Variants in LCP1 observed in about 807,000 individuals in gnomAD.
LCP1 encodes the protein lymphocyte cytosolic protein 1.
In LCP1, 23 loss-of-function variants were observed where a neutral mutation model predicts 72.0. That is an observed-to-expected ratio of 0.32 (90% CI 0.23 to 0.45). LCP1 has a LOEUF of 0.45. LCP1 is among the 20% of genes least tolerant of loss of function. The pLI is 1.00. For missense variants in LCP1, 571 were observed against 748.3 expected (o/e 0.76, Z 2.76); for synonymous variants, 245 against 275.4 (o/e 0.89, Z 1.09).
At chr13:46,138,734 C>G (rs2045680076) in intron 13 of LCP1, among the ~76,000 whole-genome samples, 1 of 152,146 alleles carries the variant, frequency 6.6e-6, no homozygotes, top group South Asian at 2.1e-4. Flanking sequence ...GCAACCTCTG[C>G]CTCCCAGGTT....
At chr13:46,128,365 G>A (rs1022356282) in intron 15 of LCP1, among the ~76,000 whole-genome samples, 8 of 152,328 alleles carry the variant, frequency 5.3e-5, no homozygotes, top group Admixed American at 2.0e-4. Flanking sequence ...TCGGGTGGCC[G>A]AGGCGGGTGG....
rs145152028 is a variant in LCP1 at position 46,127,633 on chromosome 13, G to A, written c.1842C>T (p.Thr614=). 3.7e-6 allele frequency: 6 copies of A among 1,614,146 alleles called. No homozygotes were observed. The highest frequency in any genetic ancestry group is 3.3e-5 in the Admixed American group (2 of 60,012). Residue 614 remains threonine, a synonymous_variant, in exon 16 of 16, where the codon ACC becomes ACT. Coordinates refer to ENST00000323076, the MANE Select transcript of LCP1 (RefSeq NM_002298.5). ...LVEVNPKMVM[T]VFACLMGKGM... Reference sequence around the variant, plus strand: ...CTTTCCCCATGAGGCAGGCAAACACGGTCATGACCATTTTGGGGTTCACTT... The same window carrying A: ...CTTTCCCCATGAGGCAGGCAAACACAGTCATGACCATTTTGGGGTTCACTT...
At chr13:46,150,118 T>C (rs1312778204) in intron 8 of LCP1, among the ~76,000 whole-genome samples, 5 of 152,218 alleles carry the variant, frequency 3.3e-5, no homozygotes, top group African/African-American at 1.2e-4. Context: ...GTACTCCTGT[T>C]GAGTCATGTG....
At chr13:46,130,986 T>C (rs764305782) in intron 14 of LCP1, 48 bp from the exon 15 acceptor site, 2 of 1,531,008 alleles carry the variant, frequency 1.3e-6, no homozygotes, top group South Asian at 1.3e-5. Context: ...CCAAAGTTAC[T>C]CCCATTCAGC....
chr13:46,155,386 T>A (rs905981100), intron 5 of LCP1, among the ~76,000 whole-genome samples: 1 of 152,116 alleles, frequency 6.6e-6, no homozygotes, highest in Non-Finnish European at 1.5e-5. Flanking sequence ...TACCAATGAG[T>A]CACAGGGGTC....
chr13:46,175,720 A>T (rs906376098), intron 1 of LCP1, among the ~76,000 whole-genome samples: 1 of 152,214 alleles, frequency 6.6e-6, no homozygotes, highest in Non-Finnish European at 1.5e-5. Context: ...AAAGGAAAAA[A>T]TCCAAAGTTT....
intron 13 of LCP1, among the ~76,000 whole-genome samples, chr13:46,141,519 G>A (rs191051264): frequency 4.4e-4 from 67 of 151,630 alleles, no homozygotes; most frequent in African/African-American, 1.5e-3. Context: ...ACATATGAGG[G>A]AACAACAATA....
In LCP1 at chr13:46,129,477, G is replaced by C. The variant is rs533899382; in HGVS notation, c.1751+1337C>G. ...TTACTTGTCTTTTCAGTTGAGCTCA[G>C]CTGAGCTGCTATTTGCTCTAAAGAG... is the stretch of plus-strand genomic sequence containing the variant. On this transcript the variant is annotated intron_variant, in intron 15 of 15. Transcript: ENST00000323076. Among the ~76,000 whole-genome samples the C allele has an allele frequency of 1.8e-4, 27 of 152,246 alleles. No homozygotes were observed. The South Asian group carries it at 5.6e-3, about 31-fold the overall frequency.
intron 6 of LCP1, among the ~76,000 whole-genome samples, 169 bp downstream of exon 6, chr13:46,154,636 T>C (rs4258501): frequency 0.62 from 94,178 of 152,036 alleles, 30,378 homozygotes; most frequent in African/African-American, 0.79. Flanking sequence ...GTCTCCCTTC[T>C]TTGCTGCTCA....
chr13:46,176,910 C>T (rs984204856), intron 1 of LCP1, among the ~76,000 whole-genome samples: 3 of 128,020 alleles, frequency 2.3e-5, no homozygotes, highest in Admixed American at 7.8e-5. Context: ...TGTGAGAGAG[C>T]GAGAGAGAGA....
intron 8 of LCP1, among the ~76,000 whole-genome samples, chr13:46,150,134 T>C (rs1484842788): frequency 2.0e-5 from 3 of 152,224 alleles, no homozygotes; most frequent in African/African-American, 7.2e-5. Flanking sequence ...ATGTGAACTT[T>C]CCTCTGACTC....
At chr13:46,135,411 T>C (rs1262778054) in intron 13 of LCP1, among the ~76,000 whole-genome samples, 1 of 152,198 alleles carries the variant, frequency 6.6e-6, no homozygotes, top group Non-Finnish European at 1.5e-5. Context: ...TTGTGTGCTC[T>C]AGGATTTTGC....
rs1051877821 is a variant in LCP1 at position 46,126,405 on chromosome 13, C to T, written c.*1186G>A. On this transcript the variant is annotated 3_prime_UTR_variant, in exon 16 of 16. Transcript: ENST00000323076. The stretch of plus-strand genomic sequence containing the variant: ...TGTCCAGTAAATTAGCTCTTCATAA[C>T]GCAGTTCCACCATTTCTTATCCAGC... The T allele has an allele frequency of 3.0e-5, 7 of 231,628 alleles. No individual in the cohort carries two copies. Among genetic ancestry groups the T allele is most frequent in the Admixed American group, 2.3e-4 (4 of 17,712 alleles). The allele number at this position is 231,628 out of a possible 1,614,324, so 14.3% of individuals were successfully genotyped here.
At chr13:46,181,865 A>T (rs1328851091) in intron 1 of LCP1, among the ~76,000 whole-genome samples, 1 of 152,230 alleles carries the variant, frequency 6.6e-6, no homozygotes, top group Non-Finnish European at 1.5e-5. Context: ...AATTTTGGGC[A>T]GGGGTGATAA....
At chr13:46,149,569 G>A (rs185882941) in intron 8 of LCP1, among the ~76,000 whole-genome samples, 124 of 152,198 alleles carry the variant, frequency 8.1e-4, no homozygotes, top group Middle Eastern at 3.4e-3. Context: ...CAATTTACAC[G>A]ATTTAAAGAC....
chr13:46,159,574 A>C (rs2045825003), intron 2 of LCP1, 25 bp downstream of exon 2: 1 of 1,597,916 alleles, frequency 6.3e-7, no homozygotes, highest in Non-Finnish European at 8.6e-7. Flanking sequence ...AGAATGATGC[A>C]ATTTGGGGTA....
chr13:46,159,340 G>A, intron 2 of LCP1: 1 of 541,894 alleles, frequency 1.8e-6, no homozygotes, highest in East Asian at 3.1e-5. Flanking sequence ...CAGAAGACAA[G>A]ATATAAAAGA....
At chr13:46,154,702 T>A in intron 6 of LCP1, 103 bp downstream of exon 6, 2 of 886,332 alleles carry the variant, frequency 2.3e-6, no homozygotes, top group South Asian at 2.9e-5. Context: ...AAGCCTGGGT[T>A]TTGCGAATGA....
intron 8 of LCP1, among the ~76,000 whole-genome samples, chr13:46,150,699 T>A (rs1014677730): frequency 6.6e-6 from 1 of 152,152 alleles, no homozygotes; most frequent in Admixed American, 6.5e-5. Flanking sequence ...GTCCCTCTAC[T>A]TCCTGATATG....
Sources: allele counts gnomAD v4.1 joint callset (sites outside exome capture counted in the v4.1 genomes callset), GRCh38; gene constraint gnomAD v4.1.1; transcripts MANE v1.5; gene names NCBI Gene and HGNC (gene_info 2026-07-23, HGNC 2026-07-21).